The following ZFHX3 variants were observed in gnomAD, a reference collection of about 807,000 sequenced individuals.
ZFHX3 encodes zinc finger homeobox protein 3.
In ZFHX3, 42 loss-of-function variants were observed where a neutral mutation model predicts 279.1. The ratio of observed to expected loss-of-function variants is 0.15; its 90% CI spans 0.12 to 0.19. ZFHX3 has a LOEUF of 0.19. Among genes scored for constraint, ZFHX3 ranks in the 10% least tolerant of loss-of-function variants. ZFHX3 has a pLI of 1.00. For synonymous variants in ZFHX3, 2,293 were observed against 1,957.8 expected (o/e 1.17, Z -4.52); for missense variants, 4,981 against 4,754.0 (o/e 1.05, Z -1.40).
At chr16:73,172,742 C>CGGG (rs1967559857) in intron 5 of ZFHX3, among the ~76,000 whole-genome samples, 1 of 152,184 alleles carries the variant, frequency 6.6e-6, no homozygotes, top group Non-Finnish European at 1.5e-5. Flanking sequence ...CCGGCCAAAA[C>CGGG]ACATATCATT....
intron 5 of ZFHX3, among the ~76,000 whole-genome samples, chr16:73,224,021 G>C (rs949318865): frequency 4.6e-5 from 7 of 152,190 alleles, no homozygotes; most frequent in African/African-American, 1.7e-4. Context: ...TATAGGCTAG[G>C]GAGGAGGGAG....
intron 8 of ZFHX3, among the ~76,000 whole-genome samples, chr16:73,071,126 TA>T (rs60071630): frequency 0.015 from 1,870 of 120,864 alleles, 13 homozygotes; most frequent in African/African-American, 0.022. Context: ...ATTTCTAAAT[TA>T]AAAAAAAAAA....
chr16:73,140,872 C>CA (rs1054429453), intron 6 of ZFHX3, among the ~76,000 whole-genome samples: 13 of 151,770 alleles, frequency 8.6e-5, no homozygotes, highest in African/African-American at 1.2e-4. Flanking sequence ...AACAAACAAG[C>CA]AAAAAAACAC....
At chr16:73,771,915 C>T (rs2054022544) in intron 1 of ZFHX3, among the ~76,000 whole-genome samples, 1 of 152,022 alleles carries the variant, frequency 6.6e-6, no homozygotes, top group Admixed American at 6.5e-5. Context: ...GTCACCTCCC[C>T]CACAGAGGCC....
intron 3 of ZFHX3, among the ~76,000 whole-genome samples, chr16:72,903,397 G>A (rs1226185578): frequency 2.0e-5 from 3 of 152,198 alleles, no homozygotes; most frequent in Non-Finnish European, 4.4e-5. Context: ...CCCTCTAGGC[G>A]ATTCTGAGGC....
At chr16:73,261,836 C>T (rs552701955) in intron 4 of ZFHX3, among the ~76,000 whole-genome samples, 20 of 151,858 alleles carry the variant, frequency 1.3e-4, no homozygotes, top group Non-Finnish European at 1.6e-4. Context: ...CCACCACGCT[C>T]GGCGAATTTT....
Position 72,858,005 on chromosome 16 carries a change from G to A in ZFHX3, c.3449-28146C>T, listed in dbSNP as rs141132625. On this transcript the variant is annotated intron_variant, in intron 4 of 9. Coordinates refer to ENST00000268489, the MANE Select transcript of ZFHX3 (RefSeq NM_006885.4). Reference sequence around the variant, plus strand: ...CCCGCTGCTCCTCAGCCTGAAAGGCGGGGCAGCCAATCAGAACTAATCTCT... The same window carrying A: ...CCCGCTGCTCCTCAGCCTGAAAGGCAGGGCAGCCAATCAGAACTAATCTCT... Among the ~76,000 whole-genome samples, 29 of 152,302 alleles carry A rather than the reference G, an allele frequency of 1.9e-4. No homozygotes were observed. The East Asian group carries it at 5.4e-3, about 28-fold the overall frequency.
chr16:73,831,214 A>C (rs905123787), intron 1 of ZFHX3, among the ~76,000 whole-genome samples: 1 of 152,210 alleles, frequency 6.6e-6, no homozygotes, highest in African/African-American at 2.4e-5. Flanking sequence ...GGATTTGAAA[A>C]GGGCAACAGA....
At chr16:73,783,275 A>C (rs1421468108) in intron 1 of ZFHX3, among the ~76,000 whole-genome samples, 1 of 152,210 alleles carries the variant, frequency 6.6e-6, no homozygotes, top group Non-Finnish European at 1.5e-5. Flanking sequence ...ACCCAGCCTC[A>C]GAACTCCGTA....
At chr16:73,796,991 C>A (rs562277838) in intron 1 of ZFHX3, among the ~76,000 whole-genome samples, 3 of 151,888 alleles carry the variant, frequency 2.0e-5, no homozygotes, top group Admixed American at 6.6e-5. Flanking sequence ...CACCAGAGGT[C>A]GGGAGTTCGA....
At chr16:73,854,035 A>G (rs1229663976) in intron 1 of ZFHX3, among the ~76,000 whole-genome samples, 1 of 152,152 alleles carries the variant, frequency 6.6e-6, no homozygotes, top group Non-Finnish European at 1.5e-5. Flanking sequence ...CTAAGCACAA[A>G]CAAAGCATAC....
intron 7 of ZFHX3, among the ~76,000 whole-genome samples, chr16:72,802,533 A>C (rs1476519070): frequency 1.3e-5 from 2 of 152,086 alleles, no homozygotes; most frequent in African/African-American, 4.8e-5. Flanking sequence ...TTTCTCATCT[A>C]TAGTGTACCC....
intron 5 of ZFHX3, among the ~76,000 whole-genome samples, chr16:73,155,970 C>T (rs549885824): frequency 2.0e-5 from 3 of 151,668 alleles, no homozygotes; most frequent in Admixed American, 2.0e-4. Context: ...TGGTAGCTCA[C>T]GCCTGTAATC....
At chr16:72,838,386 G>A (rs954739902) in intron 4 of ZFHX3, among the ~76,000 whole-genome samples, 1 of 152,172 alleles carries the variant, frequency 6.6e-6, no homozygotes, top group African/African-American at 2.4e-5. Flanking sequence ...GCAGAGTATG[G>A]CCCAGCTCAA....
At chr16:73,053,192 T>C (rs1965480601) in intron 1 of ZFHX3, among the ~76,000 whole-genome samples, 2 of 152,136 alleles carry the variant, frequency 1.3e-5, no homozygotes, top group Admixed American at 1.3e-4. Flanking sequence ...TTTCTTTTCT[T>C]TTTTGGAGGG....
At chr16:73,155,082 G>A (rs1037535792) in intron 5 of ZFHX3, among the ~76,000 whole-genome samples, 1 of 149,038 alleles carries the variant, frequency 6.7e-6, no homozygotes, top group Non-Finnish European at 1.5e-5. Context: ...TGAGGCACAA[G>A]AATCGCTTGA....
chr16:72,897,789 A>G (rs543285028), intron 3 of ZFHX3, among the ~76,000 whole-genome samples: 5 of 152,232 alleles, frequency 3.3e-5, no homozygotes, highest in African/African-American at 1.2e-4. Flanking sequence ...GGTGGGTCAC[A>G]TTTGGTTTTC....
chr16:73,781,153 A>G (rs949498767), intron 1 of ZFHX3, among the ~76,000 whole-genome samples: 4 of 151,868 alleles, frequency 2.6e-5, no homozygotes, highest in African/African-American at 9.7e-5. Context: ...TTTGTTTAAC[A>G]CTCCCTGCCT....
At position 73,745,094 on chromosome 16, in the gene ZFHX3, A is replaced by G. The variant is rs17326503; in HGVS notation, c.-1607-64854T>C. On this transcript the variant is annotated intron_variant, in intron 1 of 17. Coordinates refer to the ZFHX3 transcript ENST00000641206. ...AGTTGCTGCAGTGTCCAAAAAAGCA[A>G]TAATGTCCATACCACTTTTCTTTAT... Among the ~76,000 whole-genome samples, 173 of 152,306 alleles carry G rather than the reference A, an allele frequency of 1.1e-3. 2 individuals are homozygous for G. The Middle Eastern group carries it at 0.068, about 60-fold the overall frequency.
Sources: gnomAD v4.1 joint callset for allele counts (sites outside exome capture counted in the v4.1 genomes callset) on GRCh38, gnomAD v4.1.1 for gene constraint, MANE v1.5 for transcripts, NCBI Gene and HGNC (gene_info 2026-07-23, HGNC 2026-07-21) for gene names.